The following AP1B1 variants were observed in gnomAD, a reference collection of about 807,000 sequenced individuals.
AP1B1 encodes adaptor related protein complex 1 subunit beta 1, also known as AP-1 complex subunit beta-1.
AP1B1 carries 36 observed loss-of-function variants against 104.3 expected under a neutral mutation model. The observed-to-expected ratio is 0.35, with a 90% CI of 0.26 to 0.46. The LOEUF (loss-of-function observed/expected upper bound fraction) is 0.46, where lower values mean the gene tolerates loss of function less well. AP1B1 is among the 20% of genes least tolerant of loss of function. The probability of loss-of-function intolerance (pLI) is 1.00; values close to 1 mark genes in which losing one functional copy is unlikely to be tolerated. For synonymous variants in AP1B1, 504 were observed against 517.5 expected, an observed-to-expected ratio of 0.97 and a Z score of 0.35; for missense variants, 901 against 1,247.9, an observed-to-expected ratio of 0.72 and a Z score of 4.19.
chr22:29,348,924 T>A (rs185269144), intron 11 of AP1B1, among the ~76,000 whole-genome samples: 6 of 152,352 alleles, frequency 3.9e-5, no homozygotes, highest in East Asian at 1.9e-4. Flanking sequence ...TGCTTTTGTA[T>A]CAATTTTAAA....
chr22:29,373,987 C>T (rs2148037668), intron 1 of AP1B1, among the ~76,000 whole-genome samples: 1 of 150,334 alleles, frequency 6.7e-6, no homozygotes, highest in South Asian at 2.1e-4. Flanking sequence ...CACCTGAGGT[C>T]AGGAGTTCAA....
At chr22:29,343,181 C>T (rs1039343947) in intron 11 of AP1B1, among the ~76,000 whole-genome samples, 1 of 152,236 alleles carries the variant, frequency 6.6e-6, no homozygotes, top group African/African-American at 2.4e-5. Context: ...GCACATAATC[C>T]TTCCTTAGTC....
At chr22:29,341,784 A>T (rs199966521) in intron 12 of AP1B1, 24 bp from the exon 13 acceptor site, 1 of 1,588,632 alleles carries the variant, frequency 6.3e-7, no homozygotes, top group Admixed American at 1.7e-5. Context: ...GGAGAAGCCC[A>T]TGAAACTCAG....
At chr22:29,339,197 T>G (rs1455317821) in intron 15 of AP1B1, 64 bp from the exon 16 acceptor site, 5 of 1,593,848 alleles carry the variant, frequency 3.1e-6, no homozygotes, top group Non-Finnish European at 2.6e-6. Context: ...GGTCTGGGAA[T>G]GAGTAGAGCC....
At chr22:29,369,761 A>G (rs1569164269) in intron 1 of AP1B1, among the ~76,000 whole-genome samples, 1 of 152,130 alleles carries the variant, frequency 6.6e-6, no homozygotes, top group Non-Finnish European at 1.5e-5. Context: ...AGGGAGCCTC[A>G]GCCTGCTCTC....
intron 1 of AP1B1, among the ~76,000 whole-genome samples, chr22:29,385,086 G>A (rs1017190314): frequency 6.6e-6 from 1 of 151,052 alleles, no homozygotes; most frequent in Admixed American, 6.6e-5. Flanking sequence ...AAGACAGAGA[G>A]GTATAAAGAG....
intron 2 of AP1B1, among the ~76,000 whole-genome samples, chr22:29,365,363 T>A (rs1021924675): frequency 6.6e-6 from 1 of 151,914 alleles, no homozygotes; most frequent in Non-Finnish European, 1.5e-5. Flanking sequence ...ATAAAAAAAA[T>A]AGCTGGGCAT....
intron 2 of AP1B1, among the ~76,000 whole-genome samples, chr22:29,365,851 C>T (rs531406793): frequency 1.1e-4 from 17 of 151,914 alleles, no homozygotes; most frequent in African/African-American, 4.1e-4. Context: ...AGCTCTCCCA[C>T]AGTCCCCCCT....
At chr22:29,376,328 T>C (rs2062340610) in intron 1 of AP1B1, among the ~76,000 whole-genome samples, 1 of 152,100 alleles carries the variant, frequency 6.6e-6, no homozygotes, top group African/African-American at 2.4e-5. Flanking sequence ...AAGTTGGTGG[T>C]GGCAGCACAA....
intron 1 of AP1B1, among the ~76,000 whole-genome samples, chr22:29,372,348 C>T (rs772857261): frequency 4.7e-5 from 7 of 149,164 alleles, no homozygotes; most frequent in South Asian, 2.2e-4. Context: ...CACTTGAACC[C>T]GGGAGGCAGA....
In AP1B1 at chr22:29,328,965, G is replaced by A; in HGVS notation, c.2776-70C>T. The stretch of plus-strand genomic sequence containing the variant: ...GGTTCCTCTCAGGAAGGAAAGGGGT[G>A]GGGAAGAGAGCAGGAACCAATGGGA... On this transcript the variant is annotated intron_variant, in intron 22 of 22. Transcript: ENST00000357586. The surrounding 1 kb of genome is among the most constrained non-coding windows in gnomAD (Gnocchi z 4.1). 6.4e-7 allele frequency: 1 copy of A among 1,561,360 alleles called. No individual in the cohort carries two copies. The highest frequency in any genetic ancestry group is 8.6e-7 in the Non-Finnish European group (1 of 1,156,226).
intron 16 of AP1B1, among the ~76,000 whole-genome samples, chr22:29,335,322 G>A (rs2061622951): frequency 1.3e-5 from 2 of 152,164 alleles, no homozygotes; most frequent in Non-Finnish European, 2.9e-5. Flanking sequence ...CCCACCGACA[G>A]CTTCCGCAGC....
chr22:29,345,430 G>A lies in AP1B1; in HGVS notation c.1438-3047C>T, dbSNP rs546502261. Among the ~76,000 whole-genome samples, 3 of 130,938 alleles carry A rather than the reference G, an allele frequency of 2.3e-5. No homozygotes were observed. In the Admixed American group the frequency reaches 2.4e-4, roughly 10 times the overall value. 85.9% of individuals were successfully genotyped at this position (130,938 alleles called of 152,430 possible). A position where few individuals can be genotyped will look rare whatever the true frequency, so the allele number is the denominator to read the frequency against. On this transcript the variant is annotated intron_variant, in intron 11 of 22. Transcript: ENST00000357586. ...TCTGTTGCCCAGGCTGGAGTGCAGT[G>A]GTGTGATCTTGACTCACTGCAGCCT... is the stretch of plus-strand genomic sequence containing the variant.
intron 14 of AP1B1, 65 bp from the exon 15 acceptor site, chr22:29,339,839 G>A (rs1602703756): frequency 1.3e-6 from 2 of 1,514,944 alleles, no homozygotes; most frequent in East Asian, 4.8e-5. Flanking sequence ...AAGCCAGGAA[G>A]GAAGACAGAG....
intron 2 of AP1B1, among the ~76,000 whole-genome samples, chr22:29,363,407 TG>T (rs1212681487): frequency 1.3e-5 from 2 of 152,166 alleles, no homozygotes; most frequent in African/African-American, 4.8e-5. Context: ...CCCAGCACTT[TG>T]GGAGTCCGAG....
At chr22:29,373,324 G>T (rs983107564) in intron 1 of AP1B1, among the ~76,000 whole-genome samples, 18 of 152,110 alleles carry the variant, frequency 1.2e-4, no homozygotes, top group Admixed American at 1.3e-4. Flanking sequence ...GCTCTTCTGT[G>T]TATTTCACAT....
chr22:29,359,536 T>C (rs2062011720), intron 4 of AP1B1: 1 of 340,928 alleles, frequency 2.9e-6, no homozygotes, highest in African/African-American at 2.1e-5. Context: ...GGGCACCTGC[T>C]GATTCCTGCC....
Position 29,339,768 on chromosome 22 carries a change from C to T in AP1B1, c.2005G>A (p.Asp669Asn), listed in dbSNP as rs762536156. The part of the protein sequence containing the change: ...LGGGLDSLMG[D>N]EPEGIGGTNF... ...TTGAACCATACCCCTTCAGGCTCAT[C>T]CCCCATCTCCAAGCAGAAGCAGGCA... is the stretch of plus-strand genomic sequence containing the variant. Residue 669 changes from aspartate to asparagine, a missense_variant, in exon 15 of 23, where the codon GAT becomes AAT. Around this residue, in one of 3 missense-constraint regions of AP1B1, gnomAD observed 424 missense variants for 494.0 expected, o/e 0.86. Transcript: ENST00000357586. The T allele has an allele frequency of 1.9e-6, 3 of 1,608,250 alleles. No homozygotes were observed. The South Asian group carries it at 3.3e-5, about 18-fold the overall frequency.
rs2061606656 is a variant in AP1B1 at position 29,334,366 on chromosome 22, G to A, written c.2208C>T (p.Gly736=). ...AMKAKGLEIS[G]TFTRQVGSIS... ...TGGAGCCCACCTGGCGGGTGAAGGT[G>A]CCTGAGATCTCCAGCCCCTTAGCCT... is the stretch of plus-strand genomic sequence containing the variant. Residue 736 remains glycine, a synonymous_variant, in exon 17 of 23, where the codon GGC becomes GGT. Transcript: ENST00000357586. The A allele has an allele frequency of 6.2e-7, 1 of 1,611,430 alleles. No homozygotes were observed. Among genetic ancestry groups the A allele is most frequent in the Non-Finnish European group, 8.5e-7 (1 of 1,179,136 alleles).
Sources: allele counts gnomAD v4.1 joint callset (sites outside exome capture counted in the v4.1 genomes callset), GRCh38; gene constraint gnomAD v4.1.1; regional missense constraint gnomAD v4.1.1; non-coding constraint Gnocchi (gnomAD v3.1); transcripts MANE v1.5; gene names NCBI Gene and HGNC (gene_info 2026-07-23, HGNC 2026-07-21).